The following UGT2A2 variants were observed in gnomAD, a reference collection of about 807,000 sequenced individuals.
UGT2A2 encodes the protein UDP-glucuronosyltransferase 2A2.
UGT2A2 carries 60 observed loss-of-function variants against 50.7 expected under a neutral mutation model. The observed-to-expected ratio is 1.18, with a 90% CI of 0.96 to 1.47. The LOEUF is 1.47. Among genes scored for constraint, UGT2A2 ranks in the 40% most tolerant of loss-of-function variants. The probability of loss-of-function intolerance (pLI) is 0.00; values close to 1 mark genes in which losing one functional copy is unlikely to be tolerated. For missense variants in UGT2A2, 762 were observed against 634.0 expected, an observed-to-expected ratio of 1.20 and a Z score of -2.17; for synonymous variants, 242 against 214.6, an observed-to-expected ratio of 1.13 and a Z score of -1.11.
At position 69,639,221 on chromosome 4, in the gene UGT2A2, C is replaced by A; in HGVS notation, c.420G>T (p.Lys140Asn). The part of the protein sequence containing the change: ...INIQLCDGVL[K>N]NPKLMARLQK... ...GAAGTCTTGCCATCAACTTTGGGTT[C>A]TTTAGTACACCATCACAGAGTTGTA... Residue 140 changes from lysine (K) to asparagine (N), a missense_variant, in exon 1 of 6, where the codon AAG (lysine) becomes AAT (asparagine). Transcript: ENST00000604629. 6.2e-7 allele frequency: 1 copy of A among 1,613,656 alleles called. No individual in the cohort carries two copies. Among genetic ancestry groups the A allele is most frequent in the Non-Finnish European group, 8.5e-7 (1 of 1,179,736 alleles).
chr4:69,615,708 C>G (rs1410670690), intron 1 of UGT2A2, among the ~76,000 whole-genome samples: 4 of 151,782 alleles, frequency 2.6e-5, no homozygotes, highest in African/African-American at 9.7e-5. Flanking sequence ...CCTGACCCCG[C>G]CGCAAAAACA....
chr4:69,621,009 G>C (rs1250928182), intron 1 of UGT2A2, among the ~76,000 whole-genome samples: 2 of 151,962 alleles, frequency 1.3e-5, no homozygotes, highest in African/African-American at 4.8e-5. Flanking sequence ...ACTCAAGATG[G>C]ATTAAAAACA....
At chr4:69,633,964 G>T (rs893239862) in intron 1 of UGT2A2, among the ~76,000 whole-genome samples, 1 of 152,046 alleles carries the variant, frequency 6.6e-6, no homozygotes, top group Admixed American at 6.6e-5. Flanking sequence ...TTAAAAACCC[G>T]GCCGCGCGCG....
intron 1 of UGT2A2, among the ~76,000 whole-genome samples, chr4:69,634,567 CTTAAG>C (rs944978582): frequency 2.0e-5 from 3 of 151,834 alleles, no homozygotes; most frequent in Non-Finnish European, 2.9e-5. Context: ...CTGTTTTTTT[CTTAAG>C]TTAATTGGGG....
At position 69,599,385 on chromosome 4, in the gene UGT2A2, G is replaced by A. The variant is rs1379506526; in HGVS notation, c.752C>T (p.Thr251Ile). Residue 251 changes from threonine (T) to isoleucine (I), a missense_variant, in exon 2 of 6, where the codon ACT (threonine) becomes ATT (isoleucine). By Grantham distance (89) the Thr-to-Ile change is moderately conservative. Coordinates refer to ENST00000604629, the MANE Select transcript of UGT2A2 (RefSeq NM_001105677.2). ...SYYSKILGRP[T>I]TLCETMGKAE... Reference sequence around the variant, plus strand: ...TTTCCCCATAGTCTCACATAACGTAGTGGGTCTTCCTGGAGAAAATGTAAC... The same window carrying A: ...TTTCCCCATAGTCTCACATAACGTAATGGGTCTTCCTGGAGAAAATGTAAC... 1.9e-6 allele frequency: 3 copies of A among 1,613,092 alleles called. No individual in the cohort carries two copies. Among genetic ancestry groups the A allele is most frequent in the Non-Finnish European group, 2.5e-6 (3 of 1,179,746 alleles).
At position 69,596,357 on chromosome 4, in the gene UGT2A2, A is replaced by T. The variant is rs895046115; in HGVS notation, c.916T>A (p.Ser306Thr). 6.2e-7 allele frequency: 1 copy of T among 1,601,100 alleles called. No individual in the cohort carries two copies. The highest frequency in any genetic ancestry group is 8.5e-7 in the Non-Finnish European group (1 of 1,173,298). Residue 306 changes from serine (S) to threonine (T), a missense_variant, in exon 3 of 6, where the codon TCA becomes ACA. By Grantham distance (58) the Ser-to-Thr change is moderately conservative (BLOSUM62 1). Coordinates refer to ENST00000604629, the MANE Select transcript of UGT2A2 (RefSeq NM_001105677.2). ...PKEMEEFIQS[S>T]GKNGVVVFSL... ...AACACCACAACACCATTTTTACCTG[A>T]GCTCTGGATAAATTCTTCCATTTCC...
At chr4:69,626,156 T>C (rs868316218) in intron 1 of UGT2A2, among the ~76,000 whole-genome samples, 1 of 151,550 alleles carries the variant, frequency 6.6e-6, no homozygotes, top group African/African-American at 2.4e-5. Flanking sequence ...TGGGCTATTT[T>C]TTTTTAATTC....
intron 5 of UGT2A2, among the ~76,000 whole-genome samples, chr4:69,592,902 T>C (rs1301477678): frequency 6.6e-6 from 1 of 152,078 alleles, no homozygotes; most frequent in African/African-American, 2.4e-5. Flanking sequence ...GAAAAATATA[T>C]AAAATAATTT....
intron 5 of UGT2A2, among the ~76,000 whole-genome samples, chr4:69,592,214 A>G (rs72852558): frequency 0.013 from 2,010 of 152,294 alleles, 37 homozygotes; most frequent in African/African-American, 0.046. Flanking sequence ...CCTGAATCTC[A>G]GCCTTCAGGA....
intron 1 of UGT2A2, among the ~76,000 whole-genome samples, chr4:69,638,263 A>C (rs888762265): frequency 6.6e-6 from 1 of 152,144 alleles, no homozygotes; most frequent in Non-Finnish European, 1.5e-5. Flanking sequence ...AAAGCCAGGA[A>C]AAATAAGTAA....
chr4:69,608,534 T>C (rs1392437252), intron 1 of UGT2A2, among the ~76,000 whole-genome samples: 1 of 151,574 alleles, frequency 6.6e-6, no homozygotes, highest in South Asian at 2.1e-4. Context: ...CTGCACGTTG[T>C]GTACATGTAC....
At chr4:69,606,647 T>C (rs1317623168) in intron 1 of UGT2A2, among the ~76,000 whole-genome samples, 2 of 136,968 alleles carry the variant, frequency 1.5e-5, no homozygotes, top group East Asian at 4.1e-4. Flanking sequence ...TGTTTGCAGT[T>C]GACATGATTG....
chr4:69,633,075 G>T (rs1342542530), intron 1 of UGT2A2, among the ~76,000 whole-genome samples: 1 of 152,108 alleles, frequency 6.6e-6, no homozygotes, highest in East Asian at 1.9e-4. Context: ...GAGTAAGAAT[G>T]AAGAATGAGA....
At chr4:69,606,352 G>A (rs1158119036) in intron 1 of UGT2A2, among the ~76,000 whole-genome samples, 2 of 136,178 alleles carry the variant, frequency 1.5e-5, no homozygotes, top group Non-Finnish European at 3.1e-5. Context: ...ATGCAGAAAA[G>A]GCCTTGAAAA....
At chr4:69,602,966 G>A (rs1331839167) in intron 1 of UGT2A2, among the ~76,000 whole-genome samples, 1 of 135,490 alleles carries the variant, frequency 7.4e-6, no homozygotes, top group Non-Finnish European at 1.6e-5. Context: ...TACTCTAGAG[G>A]CTGAGGCAGA....
At chr4:69,638,696 G>A (rs1721861577) in intron 1 of UGT2A2, among the ~76,000 whole-genome samples, 1 of 152,092 alleles carries the variant, frequency 6.6e-6, no homozygotes, top group Admixed American at 6.6e-5. Context: ...TGCATTAAGA[G>A]ACAATAGCAT....
intron 1 of UGT2A2, among the ~76,000 whole-genome samples, chr4:69,631,939 G>T (rs1455473107): frequency 1.3e-5 from 2 of 152,100 alleles, no homozygotes. Flanking sequence ...TAGAAACATG[G>T]ATTCCAAAAT....
chr4:69,615,893 C>T (rs1366148856), intron 1 of UGT2A2, among the ~76,000 whole-genome samples: 4 of 151,248 alleles, frequency 2.6e-5, no homozygotes, highest in African/African-American at 9.7e-5. Flanking sequence ...TATGATCCGA[C>T]AATCACACTG....
At chr4:69,600,624 A>T (rs1003241353) in intron 1 of UGT2A2, among the ~76,000 whole-genome samples, 5 of 152,180 alleles carry the variant, frequency 3.3e-5, no homozygotes, top group Non-Finnish European at 4.4e-5. Flanking sequence ...TGAGTAATTT[A>T]TTTTTTTAAA....
Sources: gnomAD v4.1 joint callset for allele counts (sites outside exome capture counted in the v4.1 genomes callset) on GRCh38, gnomAD v4.1.1 for gene constraint, MANE v1.5 for transcripts, NCBI Gene and HGNC (gene_info 2026-07-23, HGNC 2026-07-21) for gene names.